The following EBF1 variants were observed in gnomAD, a reference collection of about 807,000 sequenced individuals.
EBF1 encodes transcription factor COE1.
Under a neutral mutation model 68.4 loss-of-function variants are expected in EBF1, and 10 were observed. That is an observed-to-expected ratio of 0.15 (90% CI 0.09 to 0.25). EBF1 has a LOEUF of 0.25. Among genes scored for constraint, EBF1 ranks in the 10% least tolerant of loss-of-function variants. EBF1 has a pLI of 1.00. For synonymous variants in EBF1, 298 were observed against 299.8 expected (o/e 0.99, Z 0.06); for missense variants, 509 against 794.4 (o/e 0.64, Z 4.32).
Position 158,698,651 on chromosome 5 carries a change from TTTC to T in EBF1, c.*457_*459del, listed in dbSNP as rs1756127840. 1 of 193,622 alleles carries T rather than the reference TTTC, an allele frequency of 5.2e-6. No individual in the cohort carries two copies. The highest frequency in any genetic ancestry group is 1.1e-5 in the Non-Finnish European group (1 of 93,296). 12.0% of individuals were successfully genotyped at this position (193,622 alleles called of 1,614,324 possible). A position where few individuals can be genotyped will look rare whatever the true frequency, so the allele number is the denominator to read the frequency against. On this transcript the variant is annotated 3_prime_UTR_variant, in exon 16 of 16. Coordinates refer to ENST00000313708, the MANE Select transcript of EBF1 (RefSeq NM_024007.5). ...TCTGTCCCATACAAGCTTTTTTTTT[TTTC>T]CTTTTTTTCTTTTTTTTTTTTTTTA...
intron 6 of EBF1, among the ~76,000 whole-genome samples, chr5:158,946,734 C>G (rs1227324190): frequency 6.6e-6 from 1 of 152,246 alleles, no homozygotes; most frequent in African/African-American, 2.4e-5. Flanking sequence ...ATCTGCTGCT[C>G]TCTTCAGAGC....
intron 3 of EBF1, 147 bp downstream of exon 3, chr5:159,096,195 TG>T: frequency 1.2e-6 from 1 of 859,560 alleles, no homozygotes; most frequent in Non-Finnish European, 1.8e-6. Context: ...TGAAACCTCC[TG>T]GGGCGAAATT....
At chr5:158,721,232 C>T (rs555368371) in intron 11 of EBF1, among the ~76,000 whole-genome samples, 3 of 152,030 alleles carry the variant, frequency 2.0e-5, no homozygotes, top group African/African-American at 7.2e-5. Context: ...AACCAGCATG[C>T]GGCATGGTTG....
chr5:158,848,735 A>C (rs1430502869), intron 6 of EBF1, among the ~76,000 whole-genome samples: 1 of 152,200 alleles, frequency 6.6e-6, no homozygotes. Context: ...TGTTCAGTAC[A>C]TATGTGTTTA....
chr5:158,895,035 G>A (rs1032004287), intron 6 of EBF1, among the ~76,000 whole-genome samples: 1 of 152,088 alleles, frequency 6.6e-6, no homozygotes, highest in Admixed American at 6.6e-5. Flanking sequence ...AGATTATAAT[G>A]AATGCCAAAA....
At position 159,025,403 on chromosome 5, in the gene EBF1, C is replaced by T. The variant is rs967878986; in HGVS notation, c.554+47993G>A. Among the ~76,000 whole-genome samples the T allele has an allele frequency of 5.3e-5, 8 of 152,174 alleles. No homozygotes were observed. In the East Asian group the frequency reaches 1.5e-3, roughly 29 times the overall value. On this transcript the variant is annotated intron_variant, in intron 6 of 15. Coordinates refer to ENST00000313708, the MANE Select transcript of EBF1 (RefSeq NM_024007.5). Reference sequence around the variant, plus strand: ...GCCCAAGGAAAGCATCTGGGATGTCCCACTGAAGAATTCCTGCAACTACTG... The same window carrying T: ...GCCCAAGGAAAGCATCTGGGATGTCTCACTGAAGAATTCCTGCAACTACTG...
At chr5:158,824,245 C>T (rs1785510029) in intron 7 of EBF1, among the ~76,000 whole-genome samples, 1 of 152,220 alleles carries the variant, frequency 6.6e-6, no homozygotes, top group South Asian at 2.1e-4. Flanking sequence ...AATCAGCCCG[C>T]TCCCGTTTAA....
At chr5:158,728,074 T>C (rs537659880) in intron 11 of EBF1, among the ~76,000 whole-genome samples, 1 of 152,338 alleles carries the variant, frequency 6.6e-6, no homozygotes, top group South Asian at 2.1e-4. Context: ...AGCCCATTTT[T>C]ATCTCCCTAA....
intron 6 of EBF1, among the ~76,000 whole-genome samples, chr5:159,028,315 G>A (rs553263495): frequency 6.6e-6 from 1 of 152,268 alleles, no homozygotes; most frequent in South Asian, 2.1e-4. Context: ...GGAAGAGAGA[G>A]TAAACCCAAT....
chr5:158,904,922 C>T (rs901302196), intron 6 of EBF1, among the ~76,000 whole-genome samples: 2 of 152,182 alleles, frequency 1.3e-5, no homozygotes, highest in Non-Finnish European at 2.9e-5. Context: ...ACAATGTGCC[C>T]TACTACAAGA....
intron 10 of EBF1, among the ~76,000 whole-genome samples, chr5:158,771,809 A>C (rs1773927623): frequency 6.6e-6 from 1 of 152,154 alleles, no homozygotes. Flanking sequence ...CAATGAAGAG[A>C]CTGGAGTCCA....
chr5:158,855,380 C>T (rs1793772605), intron 6 of EBF1, among the ~76,000 whole-genome samples: 1 of 152,216 alleles, frequency 6.6e-6, no homozygotes. Context: ...ACAGATGAGT[C>T]TACTGAAGCT....
intron 8 of EBF1, among the ~76,000 whole-genome samples, chr5:158,810,942 G>T (rs142840304): frequency 6.6e-6 from 1 of 152,138 alleles, no homozygotes; most frequent in Non-Finnish European, 1.5e-5. Context: ...ACTTGCCCAC[G>T]GCAGGCCGGC....
chr5:158,940,760 A>ACCC (rs1561573632), intron 6 of EBF1, among the ~76,000 whole-genome samples: 1 of 7,022 alleles, frequency 1.4e-4, no homozygotes, highest in African/African-American at 3.9e-4. Context: ...CCTTCACCCC[A>ACCC]CCGCCCCCCC....
intron 6 of EBF1, among the ~76,000 whole-genome samples, chr5:158,908,092 G>A (rs1805058440): frequency 6.6e-6 from 1 of 152,112 alleles, no homozygotes; most frequent in Non-Finnish European, 1.5e-5. Flanking sequence ...CAACTGATGA[G>A]CAAGGCATAA....
intron 7 of EBF1, among the ~76,000 whole-genome samples, chr5:158,836,504 G>A (rs1437529809): frequency 3.3e-5 from 5 of 152,086 alleles, no homozygotes; most frequent in Non-Finnish European, 7.3e-5. Context: ...GAGAGAGGTA[G>A]GAGTAAATAG....
At chr5:158,728,956 C>A (rs1763532753) in intron 11 of EBF1, among the ~76,000 whole-genome samples, 1 of 152,210 alleles carries the variant, frequency 6.6e-6, no homozygotes, top group African/African-American at 2.4e-5. Context: ...TATGAGTTAG[C>A]ATGATTAATT....
intron 15 of EBF1, among the ~76,000 whole-genome samples, chr5:158,706,773 C>T (rs936831481): frequency 2.6e-5 from 4 of 152,204 alleles, no homozygotes; most frequent in Admixed American, 1.3e-4. Context: ...CACCGTTTAA[C>T]CGACTATGTC....
chr5:159,064,867 A>C (rs1776493284), intron 6 of EBF1, among the ~76,000 whole-genome samples: 1 of 150,154 alleles, frequency 6.7e-6, no homozygotes, highest in Admixed American at 6.6e-5. Context: ...AGAACTTTTT[A>C]AAAAATGAAA....
Sources: gnomAD v4.1 joint callset for allele counts (sites outside exome capture counted in the v4.1 genomes callset) on GRCh38, gnomAD v4.1.1 for gene constraint, MANE v1.5 for transcripts, NCBI Gene and HGNC (gene_info 2026-07-23, HGNC 2026-07-21) for gene names.